Variants in ZNF140 observed in about 807,000 individuals in gnomAD.
ZNF140 encodes zinc finger protein 140.
ZNF140 carries 13 observed loss-of-function variants against 12.9 expected under a neutral mutation model. The observed-to-expected ratio is 1.01, with a 90% CI of 0.66 to 1.60. The LOEUF is 1.60. Ranked by LOEUF, ZNF140 falls within the 40% of genes most tolerant of loss-of-function variation. The probability of loss-of-function intolerance (pLI) is 0.00; values close to 1 mark genes in which losing one functional copy is unlikely to be tolerated. For missense variants in ZNF140, 531 were observed against 548.8 expected, an observed-to-expected ratio of 0.97 and a Z score of 0.32; for synonymous variants, 214 against 186.7, an observed-to-expected ratio of 1.15 and a Z score of -1.19.
chr12:133,097,650 A>G (rs1455890919), intron 4 of ZNF140, among the ~76,000 whole-genome samples: 1 of 152,014 alleles, frequency 6.6e-6, no homozygotes, highest in African/African-American at 2.4e-5. Context: ...CTCAAAAAAA[A>G]AAAAAAAATT....
chr12:133,098,518 G>A (rs111996154), intron 4 of ZNF140, among the ~76,000 whole-genome samples: 44,384 of 152,088 alleles, frequency 0.29, 6,725 homozygotes, highest in African/African-American at 0.35. Context: ...AGGATTACAG[G>A]CATGAGCCAC....
Position 133,092,089 on chromosome 12 carries a change from A to G in ZNF140, c.232+8528A>G, listed in dbSNP as rs963675495. ...ACAGTCTTGAGGAATTCTTTTGCCA[A>G]TTATTCACATATTTTGTAGTTTGAA... On this transcript the variant is annotated intron_variant, in intron 4 of 4. Coordinates refer to ENST00000355557, the MANE Select transcript of ZNF140 (RefSeq NM_003440.4). Among the ~76,000 whole-genome samples, 25 of 151,350 alleles carry G rather than the reference A, an allele frequency of 1.7e-4. 2 individuals are homozygous for G. Among genetic ancestry groups the G allele is most frequent in the African/African-American group, 5.9e-4 (24 of 40,940 alleles).
At chr12:133,101,532 C>T (rs1478323808) in intron 4 of ZNF140, among the ~76,000 whole-genome samples, 4 of 152,188 alleles carry the variant, frequency 2.6e-5, no homozygotes, top group African/African-American at 9.7e-5. Context: ...GCAAGCTCCA[C>T]CTCCCGGGTT....
intron 4 of ZNF140, among the ~76,000 whole-genome samples, chr12:133,089,762 T>C (rs1312723407): frequency 2.6e-5 from 4 of 152,238 alleles, no homozygotes; most frequent in Non-Finnish European, 5.9e-5. Context: ...GGCTAGAGGC[T>C]TATTGATTTT....
chr12:133,095,453 C>T (rs75830621), intron 4 of ZNF140, among the ~76,000 whole-genome samples: 7 of 150,472 alleles, frequency 4.7e-5, no homozygotes, highest in Non-Finnish European at 8.9e-5. Flanking sequence ...AGAGAAAGGC[C>T]CCCACATCGG....
chr12:133,093,351 A>AT lies in ZNF140; in HGVS notation c.232+9791dup, dbSNP rs1028372503. 7.3e-4 allele frequency: 496 copies of AT among 678,272 alleles called. 6 individuals carry two copies. Among genetic ancestry groups the AT allele is most frequent in the Non-Finnish European group, 1.2e-3 (458 of 372,482 alleles). 42.0% of individuals were successfully genotyped at this position (678,272 alleles called of 1,614,324 possible). On this transcript the variant is annotated intron_variant, in intron 4 of 4. Coordinates refer to ENST00000355557, the MANE Select transcript of ZNF140 (RefSeq NM_003440.4). ...GACATAGGGAGACTTACCACCGTTG[A>AT]TACAATCATTAAAGCTGCAAGCAGC...
intron 4 of ZNF140, among the ~76,000 whole-genome samples, chr12:133,090,859 T>G (rs1365148785): frequency 3.8e-5 from 5 of 132,056 alleles, no homozygotes; most frequent in Non-Finnish European, 5.1e-5. Flanking sequence ...GATGTGCATG[T>G]AATCCAGATT....
chr12:133,091,027 G>C (rs1362320332), intron 4 of ZNF140, among the ~76,000 whole-genome samples: 6 of 146,422 alleles, frequency 4.1e-5, no homozygotes, highest in South Asian at 2.2e-4. Context: ...CAGTTCCCAG[G>C]GGCAGACAGG....
intron 4 of ZNF140, among the ~76,000 whole-genome samples, chr12:133,092,989 C>A (rs1954945151): frequency 6.6e-6 from 1 of 150,958 alleles, no homozygotes; most frequent in African/African-American, 2.5e-5. Flanking sequence ...GTAAATTATT[C>A]ATTTGTGACC....
chr12:133,105,499 G>A lies in ZNF140; in HGVS notation c.233-11G>A. ...AAAAGAAACATTCACTTTTTTTTTGGTATCTTTCAGTTTCAGAGTCAAGTG... is the reference window on the plus strand; with the variant it reads ...AAAAGAAACATTCACTTTTTTTTTGATATCTTTCAGTTTCAGAGTCAAGTG... On this transcript the variant is annotated splice_polypyrimidine_tract_variant and intron_variant, in intron 4 of 4. Coordinates refer to ENST00000355557, the MANE Select transcript of ZNF140 (RefSeq NM_003440.4). 1.3e-6 allele frequency: 2 copies of A among 1,557,806 alleles called. No homozygotes were observed. The highest frequency in any genetic ancestry group is 1.7e-6 in the Non-Finnish European group (2 of 1,156,620).
intron 4 of ZNF140, among the ~76,000 whole-genome samples, chr12:133,092,430 C>T (rs950626859): frequency 3.3e-5 from 5 of 151,174 alleles, no homozygotes; most frequent in Non-Finnish European, 7.4e-5. Flanking sequence ...TTTCCTACAA[C>T]TAGCATATAA....
intron 4 of ZNF140, among the ~76,000 whole-genome samples, chr12:133,095,713 A>G (rs111453194): frequency 1.9e-4 from 29 of 151,726 alleles, no homozygotes; most frequent in Admixed American, 9.2e-4. Flanking sequence ...TAATAAGGAG[A>G]AGGTCAGCAA....
At chr12:133,083,057 TG>T in intron 2 of ZNF140, 45 bp from the exon 3 acceptor site, 2 of 1,613,588 alleles carry the variant, frequency 1.2e-6, no homozygotes, top group Non-Finnish European at 1.7e-6. Context: ...TGAGGGAGTT[TG>T]GGGGCATGCG....
At position 133,090,959 on chromosome 12, in the gene ZNF140, G is replaced by GT. The variant is rs1307522119; in HGVS notation, c.232+7402dup. Among the ~76,000 whole-genome samples the GT allele has an allele frequency of 2.7e-5, 4 of 146,902 alleles. No homozygotes were observed. In the Admixed American group the frequency reaches 2.8e-4, roughly 10 times the overall value. On this transcript the variant is annotated intron_variant, in intron 4 of 4. Coordinates refer to ENST00000355557, the MANE Select transcript of ZNF140 (RefSeq NM_003440.4). The stretch of plus-strand genomic sequence containing the variant: ...ATATCTCGCCTCCCACCATAGGGCG[G>GT]TTTTGCTACTATCTCAGAATTGAAC...
intron 4 of ZNF140, among the ~76,000 whole-genome samples, chr12:133,087,819 A>T (rs1017292505): frequency 6.6e-6 from 1 of 152,126 alleles, no homozygotes; most frequent in African/African-American, 2.4e-5. Context: ...GTATATTTAT[A>T]TCTCTTTATC....
chr12:133,106,184 T>C lies in ZNF140; in HGVS notation c.907T>C (p.Cys303Arg). The C allele has an allele frequency of 6.2e-7, 1 of 1,614,202 alleles. No homozygotes were observed. The highest frequency in any genetic ancestry group is 8.5e-7 in the Non-Finnish European group (1 of 1,180,024). Residue 303 changes from cysteine (C) to arginine (R), a missense_variant, in exon 5 of 5, where the codon TGC (cysteine) becomes CGC (arginine). By Grantham distance (180) the Cys-to-Arg change is radical (BLOSUM62 -3). Coordinates refer to ENST00000355557, the MANE Select transcript of ZNF140 (RefSeq NM_003440.4). ...ACATACTGGAGAGAAACCTTATGAA[T>C]GCATTGAATGTGGGAAGGCATTTCG... ...ITHTGEKPYE[C>R]IECGKAFRRF...
At chr12:133,089,262 G>T (rs1051551921) in intron 4 of ZNF140, among the ~76,000 whole-genome samples, 2 of 151,748 alleles carry the variant, frequency 1.3e-5, no homozygotes, top group Non-Finnish European at 2.9e-5. Flanking sequence ...GTCAAGGCTG[G>T]AGTGCAGTGG....
chr12:133,091,608 G>T (rs750752085), intron 4 of ZNF140, among the ~76,000 whole-genome samples: 1 of 150,310 alleles, frequency 6.7e-6, no homozygotes, highest in Admixed American at 6.6e-5. Context: ...GCTGGTCGCT[G>T]TCTCTCCGGA....
At chr12:133,092,866 C>T (rs931620758) in intron 4 of ZNF140, among the ~76,000 whole-genome samples, 5 of 151,230 alleles carry the variant, frequency 3.3e-5, no homozygotes, top group South Asian at 2.1e-4. Flanking sequence ...CAGTATCAGC[C>T]GCACATTGTT....
Sources: gnomAD v4.1 joint callset for allele counts (sites outside exome capture counted in the v4.1 genomes callset) on GRCh38, gnomAD v4.1.1 for gene constraint, MANE v1.5 for transcripts, NCBI Gene and HGNC (gene_info 2026-07-23, HGNC 2026-07-21) for gene names.